The following ASS1 variants were observed in gnomAD, a reference collection of about 807,000 sequenced individuals.
ASS1 encodes argininosuccinate synthase 1.
ASS1 carries 58 observed loss-of-function variants against 60.5 expected under a neutral mutation model. The ratio of observed to expected loss-of-function variants is 0.96; its 90% confidence interval spans 0.78 to 1.19. The LOEUF is 1.19. ASS1 is among the 50% of genes most tolerant of loss of function. The probability of loss-of-function intolerance (pLI) is 0.00; values close to 1 mark genes in which losing one functional copy is unlikely to be tolerated. For synonymous variants in ASS1, 200 were observed against 206.9 expected, an observed-to-expected ratio of 0.97 and a Z score of 0.29; for missense variants, 454 against 547.3, an observed-to-expected ratio of 0.83 and a Z score of 1.70.
At chr9:130,493,561 C>CGGA (rs2118876410) in intron 12 of ASS1, among the ~76,000 whole-genome samples, 1 of 152,192 alleles carries the variant, frequency 6.6e-6, no homozygotes, top group East Asian at 1.9e-4. Flanking sequence ...CCCTTTCCCA[C>CGGA]GGAGGACCTC....
intron 5 of ASS1, 100 bp from the exon 6 acceptor site, chr9:130,466,625 C>T: frequency 8.7e-7 from 1 of 1,146,064 alleles, no homozygotes; most frequent in Non-Finnish European, 1.3e-6. Flanking sequence ...GCTGGAGACC[C>T]CCATGGGCCC....
At chr9:130,453,258 G>T (rs1254100382) in intron 2 of ASS1, among the ~76,000 whole-genome samples, 1 of 152,246 alleles carries the variant, frequency 6.6e-6, no homozygotes, top group African/African-American at 2.4e-5. Context: ...TACTCCTTCA[G>T]TGGGCGGGAT....
rs1469427327 is a variant in ASS1, at chr9:130,457,259, T to C, written c.175-1142T>C. On this transcript the variant is annotated intron_variant, in intron 3 of 14. Coordinates refer to ENST00000352480, the MANE Select transcript of ASS1 (RefSeq NM_054012.4). ...CCTCGCTATGTGATGCCTTGTTTTA[T>C]TGAAGTTTATGAAGAAAACTGGGCA... Among the ~76,000 whole-genome samples the C allele has an allele frequency of 8.5e-5, 13 of 152,304 alleles. No homozygotes were observed. In the South Asian group the frequency reaches 2.1e-3, roughly 24 times the overall value.
chr9:130,454,410 G>A (rs1295290227), intron 3 of ASS1, 37 bp downstream of exon 3: 3 of 1,599,684 alleles, frequency 1.9e-6, no homozygotes, highest in South Asian at 1.1e-5. Context: ...GCTGGGAGTG[G>A]GGCGGTGATG....
chr9:130,456,882 C>T (rs1316438558), intron 3 of ASS1, among the ~76,000 whole-genome samples: 1 of 151,654 alleles, frequency 6.6e-6, no homozygotes, highest in Non-Finnish European at 1.5e-5. Flanking sequence ...GCCAAGATTG[C>T]ACCTCTGCAC....
chr9:130,446,371 C>G (rs1845197047), intron 1 of ASS1, among the ~76,000 whole-genome samples: 1 of 152,154 alleles, frequency 6.6e-6, no homozygotes, highest in Non-Finnish European at 1.5e-5. Context: ...GGAGGAGTCT[C>G]CATTCCAAAC....
intron 6 of ASS1, among the ~76,000 whole-genome samples, chr9:130,469,631 T>C (rs2131885319): frequency 6.6e-6 from 1 of 152,278 alleles, no homozygotes. Flanking sequence ...AGACTGGTCT[T>C]GAACTCCTGA....
At chr9:130,479,493 G>A (rs939426628) in intron 9 of ASS1, among the ~76,000 whole-genome samples, 3 of 152,174 alleles carry the variant, frequency 2.0e-5, no homozygotes, top group African/African-American at 4.8e-5. Context: ...GTGGGGGAGA[G>A]CGTTTTTATT....
At chr9:130,486,752 G>A (rs973289493) in intron 11 of ASS1, among the ~76,000 whole-genome samples, 1 of 152,212 alleles carries the variant, frequency 6.6e-6, no homozygotes, top group Admixed American at 6.5e-5. Context: ...TGGTTGCTCT[G>A]AGGGGCTTTC....
At position 130,470,703 on chromosome 9, in the gene ASS1, A is replaced by G; in HGVS notation, c.496-131A>G. 1 of 896,980 alleles carries G rather than the reference A, an allele frequency of 1.1e-6. No individual in the cohort carries two copies. Among genetic ancestry groups the G allele is most frequent in the Non-Finnish European group, 1.9e-6 (1 of 536,484 alleles). The allele number at this position is 896,980 out of a possible 1,614,324, so 55.6% of individuals were successfully genotyped here. A position where few individuals can be genotyped will look rare whatever the true frequency, so the allele number is the denominator to read the frequency against. Reference sequence around the variant, plus strand: ...CAGGGAGGTGACCGTGACCAACACTAGGAGGTAGCCAGGGTCTTGTCTGAA... The same window carrying G: ...CAGGGAGGTGACCGTGACCAACACTGGGAGGTAGCCAGGGTCTTGTCTGAA... On this transcript the variant is annotated intron_variant, in intron 6 of 14. Coordinates refer to ENST00000352480, the MANE Select transcript of ASS1 (RefSeq NM_054012.4). The surrounding 1 kb of genome is among the most constrained non-coding windows in gnomAD (Gnocchi z 4.3).
chr9:130,454,021 G>A lies in ASS1; in HGVS notation c.106-284G>A, dbSNP rs75314403. ...GACCTTCCAGCAATGACAGCAGATG[G>A]TTGTCTCCCAGCAGCCTGTGTGGCC... On this transcript the variant is annotated intron_variant, in intron 2 of 14. Coordinates refer to ENST00000352480, the MANE Select transcript of ASS1 (RefSeq NM_054012.4). Among the ~76,000 whole-genome samples the A allele has an allele frequency of 0.019, 2,927 of 152,352 alleles. 92 individuals carry two copies. The highest frequency in any genetic ancestry group is 0.066 in the African/African-American group (2,759 of 41,560).
rs752296873 is a variant in ASS1, at chr9:130,489,256, T to TG, written c.839-76dup. ...TCATTATTATTATTATTTTTTTTTT[T>TG]GTCATTTGCTGACAGTTTGGGTTTC... On this transcript the variant is annotated intron_variant, in intron 11 of 14. Transcript: ENST00000352480. The surrounding 1 kb of genome is among the most constrained non-coding windows in gnomAD (Gnocchi z 4.1). The TG allele has an allele frequency of 4.2e-4, 654 of 1,560,244 alleles. No individual in the cohort carries two copies. The highest frequency in any genetic ancestry group is 6.8e-4 in the Admixed American group (39 of 57,370).
In ASS1 at chr9:130,470,287, T is replaced by G. The variant is rs1256375709; in HGVS notation, c.496-547T>G. Among the ~76,000 whole-genome samples the G allele has an allele frequency of 6.6e-6, 1 of 152,120 alleles. No individual in the cohort carries two copies. The highest frequency in any genetic ancestry group is 1.5e-5 in the Non-Finnish European group (1 of 67,996). On this transcript the variant is annotated intron_variant, in intron 6 of 14. Transcript: ENST00000352480. This position sits in a 1 kb window ranked among gnomAD's most constrained non-coding sequence, Gnocchi z 4.3. ...CCTTGGAGACGGGATCTGCTGGGTG[T>G]TCCCCTTCTAGGGTCTGCAGAGTGA...
chr9:130,454,655 C>T (rs540195443), intron 3 of ASS1, among the ~76,000 whole-genome samples: 10 of 152,292 alleles, frequency 6.6e-5, no homozygotes, highest in African/African-American at 2.4e-4. Flanking sequence ...CCCACTCACC[C>T]TCTTTTATCT....
intron 1 of ASS1, among the ~76,000 whole-genome samples, chr9:130,449,976 A>G (rs1845290312): frequency 2.0e-5 from 3 of 152,218 alleles, no homozygotes; most frequent in Non-Finnish European, 4.4e-5. Context: ...GCAATTTATG[A>G]TATGTCAAGT....
chr9:130,487,809 G>C (rs1207475398), intron 11 of ASS1, among the ~76,000 whole-genome samples: 1 of 151,756 alleles, frequency 6.6e-6, no homozygotes, highest in Non-Finnish European at 1.5e-5. Context: ...GGAGTGCAGT[G>C]GTGTGAAATC....
In ASS1 at chr9:130,476,379, C is replaced by G. The variant is rs1399962992; in HGVS notation, c.598-492C>G. The G allele has an allele frequency of 1.1e-5, 2 of 177,244 alleles. No homozygotes were observed. Among genetic ancestry groups the G allele is most frequent in the Non-Finnish European group, 2.4e-5 (2 of 83,210 alleles). The allele number at this position is 177,244 out of a possible 1,614,324, so 11.0% of individuals were successfully genotyped here. A position where few individuals can be genotyped will look rare whatever the true frequency, so the allele number is the denominator to read the frequency against. On this transcript the variant is annotated intron_variant, in intron 8 of 14. Coordinates refer to ENST00000352480, the MANE Select transcript of ASS1 (RefSeq NM_054012.4). This position sits in a 1 kb window ranked among gnomAD's most constrained non-coding sequence, Gnocchi z 4.9. ...AAATGGGTTTTTGCTTTGCTCTTCT[C>G]TTTTCTCCCTGTGAGTATTAACCTT... is the stretch of plus-strand genomic sequence containing the variant.
In ASS1 at chr9:130,463,432, G is replaced by A. The variant is rs191302133; in HGVS notation, c.364-679G>A. ...TCTCCATTTGCCCACAGAGGATGCA[G>A]GCGAGGCAACCTGCCCGAGGGGGTG... On this transcript the variant is annotated intron_variant, in intron 4 of 14. Transcript: ENST00000352480. 2.8e-4 allele frequency among the ~76,000 whole-genome samples: 43 copies of A among 152,342 alleles called. 1 individual carries two copies. The highest frequency in any genetic ancestry group is 2.4e-3 in the Admixed American group (37 of 15,308).
chr9:130,465,047 TATATATATA>T (rs1564906874), intron 5 of ASS1, among the ~76,000 whole-genome samples: 5 of 104,202 alleles, frequency 4.8e-5, no homozygotes, highest in African/African-American at 1.9e-4. Flanking sequence ...TATATATATA[TATATATATA>T]TTTTTTTTTT....
Sources: allele counts gnomAD v4.1 joint callset (sites outside exome capture counted in the v4.1 genomes callset), GRCh38; gene constraint gnomAD v4.1.1; non-coding constraint Gnocchi (gnomAD v3.1); transcripts MANE v1.5; gene names NCBI Gene and HGNC (gene_info 2026-07-23, HGNC 2026-07-21).